DOCK3: variants seen among roughly 807,000 people sequenced by gnomAD.
DOCK3 encodes dedicator of cytokinesis 3.
DOCK3 carries 60 observed loss-of-function variants against 265.6 expected under a neutral mutation model. The observed-to-expected ratio is 0.23, with a 90% CI of 0.18 to 0.28. The LOEUF is 0.28. DOCK3 is among the 10% of genes least tolerant of loss of function. The pLI is 1.00. For missense variants in DOCK3, 1,981 were observed against 2,594.3 expected (o/e 0.76, Z 5.14); for synonymous variants, 881 against 938.0 (o/e 0.94, Z 1.11).
intron 22 of DOCK3, among the ~76,000 whole-genome samples, chr3:51,250,562 T>C (rs2079160070): frequency 1.3e-5 from 2 of 152,164 alleles, no homozygotes; most frequent in Admixed American, 1.3e-4. Flanking sequence ...GAGGTTGCAG[T>C]GAACCAAGAT....
At chr3:51,290,426 A>G (rs554313768) in intron 27 of DOCK3, among the ~76,000 whole-genome samples, 25 of 152,262 alleles carry the variant, frequency 1.6e-4, no homozygotes, top group African/African-American at 5.8e-4. Context: ...TCAGCAAACT[A>G]TCGCAAGGAC....
At chr3:51,102,318 G>T (rs2083119620) in intron 9 of DOCK3, among the ~76,000 whole-genome samples, 1 of 152,210 alleles carries the variant, frequency 6.6e-6, no homozygotes, top group African/African-American at 2.4e-5. Context: ...GACAGAGCAA[G>T]ATTTTAAAAA....
At chr3:50,877,303 C>T in intron 3 of DOCK3, 1 of 374,860 alleles carries the variant, frequency 2.7e-6, no homozygotes. Context: ...CAACCTTTTT[C>T]TAATGTTGTG....
At chr3:50,861,190 C>CG (rs2046893745) in intron 3 of DOCK3, among the ~76,000 whole-genome samples, 1 of 152,094 alleles carries the variant, frequency 6.6e-6, no homozygotes, top group South Asian at 2.1e-4. Flanking sequence ...GTTGTCCTGT[C>CG]TTGCTTTTCT....
In DOCK3 at chr3:51,279,203, G is replaced by A. The variant is rs566900648; in HGVS notation, c.2824-903G>A. 3.3e-5 allele frequency among the ~76,000 whole-genome samples: 5 copies of A among 152,288 alleles called. No individual in the cohort carries two copies. In the South Asian group the frequency reaches 1.0e-3, roughly 32 times the overall value. On this transcript the variant is annotated intron_variant, in intron 26 of 52. Transcript: ENST00000266037. ...GGAGGTGGAGGTTGCAGTGAGCCAA[G>A]ATCATGCCATTGCGCTCCAGACTGG...
At chr3:51,313,227 C>G (rs1372050068) in intron 31 of DOCK3, among the ~76,000 whole-genome samples, 7 of 152,232 alleles carry the variant, frequency 4.6e-5, no homozygotes, top group African/African-American at 1.7e-4. Context: ...ATCCTCCATG[C>G]TCTTCACTTC....
At chr3:51,299,474 A>G (rs1199121820) in intron 27 of DOCK3, among the ~76,000 whole-genome samples, 2 of 152,058 alleles carry the variant, frequency 1.3e-5, no homozygotes, top group East Asian at 1.9e-4. Flanking sequence ...TGATGTTTTT[A>G]TCATAAAATC....
intron 22 of DOCK3, among the ~76,000 whole-genome samples, chr3:51,252,496 A>G (rs2079308735): frequency 1.3e-5 from 2 of 152,232 alleles, no homozygotes; most frequent in African/African-American, 2.4e-5. Flanking sequence ...ATCCATGAGC[A>G]TGGAATGTTC....
At chr3:50,786,126 T>C (rs2042174279) in intron 2 of DOCK3, among the ~76,000 whole-genome samples, 1 of 152,176 alleles carries the variant, frequency 6.6e-6, no homozygotes, top group Admixed American at 6.5e-5. Flanking sequence ...AATGATCTTT[T>C]GTATTTCTTT....
intron 5 of DOCK3, among the ~76,000 whole-genome samples, chr3:51,014,534 G>T (rs1252911604): frequency 7.9e-6 from 1 of 126,232 alleles, no homozygotes; most frequent in Non-Finnish European, 1.6e-5. Context: ...CTTCAACATG[G>T]TATACAAACT....
At chr3:51,183,426 G>A (rs573017188) in intron 12 of DOCK3, among the ~76,000 whole-genome samples, 6 of 152,172 alleles carry the variant, frequency 3.9e-5, no homozygotes, top group East Asian at 1.9e-4. Context: ...GGTTGGGGGT[G>A]GGGGGAAGAG....
At chr3:50,724,028 G>T (rs1451656192) in intron 1 of DOCK3, among the ~76,000 whole-genome samples, 1 of 152,066 alleles carries the variant, frequency 6.6e-6, no homozygotes, top group Admixed American at 6.6e-5. Flanking sequence ...CAAAAAATGG[G>T]CAAGGGATAT....
At chr3:50,923,753 T>C (rs1418722147) in intron 4 of DOCK3, among the ~76,000 whole-genome samples, 2 of 152,218 alleles carry the variant, frequency 1.3e-5, no homozygotes, top group East Asian at 3.8e-4. Flanking sequence ...TTACCTCCCA[T>C]TTTATAATTT....
At chr3:50,728,762 G>T in intron 1 of DOCK3, among the ~76,000 whole-genome samples, 2 of 146,164 alleles carry the variant, frequency 1.4e-5, no homozygotes, top group South Asian at 2.1e-4. Flanking sequence ...TTGCTCTGTT[G>T]CCCAGGCTGG....
At chr3:50,937,099 A>G (rs1447585167) in intron 5 of DOCK3, among the ~76,000 whole-genome samples, 1 of 151,582 alleles carries the variant, frequency 6.6e-6, no homozygotes, top group Admixed American at 6.6e-5. Flanking sequence ...CAATGTGGTG[A>G]AACCCTGTCT....
At chr3:50,745,648 C>A (rs1439431759) in intron 1 of DOCK3, among the ~76,000 whole-genome samples, 1 of 152,216 alleles carries the variant, frequency 6.6e-6, no homozygotes, top group Non-Finnish European at 1.5e-5. Flanking sequence ...CAAGGTCCCC[C>A]TGCCTGTTCA....
intron 1 of DOCK3, among the ~76,000 whole-genome samples, chr3:50,704,750 T>G (rs1363029261): frequency 6.6e-6 from 1 of 151,932 alleles, no homozygotes; most frequent in Non-Finnish European, 1.5e-5. Context: ...TTCAGCCTCC[T>G]GAGTAAGTGG....
At chr3:50,858,204 C>T (rs996917421) in intron 3 of DOCK3, among the ~76,000 whole-genome samples, 3 of 152,098 alleles carry the variant, frequency 2.0e-5, no homozygotes, top group Admixed American at 1.3e-4. Context: ...CACATGTTCT[C>T]ACTCATAGGT....
At chr3:50,755,600 TC>T (rs2108343275) in intron 1 of DOCK3, among the ~76,000 whole-genome samples, 1 of 152,316 alleles carries the variant, frequency 6.6e-6, no homozygotes, top group South Asian at 2.1e-4. Flanking sequence ...TGTGCAACCA[TC>T]ATCATCTAAT....
Sources: gnomAD v4.1 joint callset for allele counts (sites outside exome capture counted in the v4.1 genomes callset) on GRCh38, gnomAD v4.1.1 for gene constraint, MANE v1.5 for transcripts, NCBI Gene and HGNC (gene_info 2026-07-23, HGNC 2026-07-21) for gene names.